ATP6V0D1: variants seen among roughly 807,000 people sequenced by gnomAD.
ATP6V0D1 encodes V-type proton ATPase subunit d 1.
ATP6V0D1 carries 13 observed loss-of-function variants against 39.0 expected under a neutral mutation model. That is an observed-to-expected ratio of 0.33 (90% confidence interval 0.22 to 0.53). The LOEUF (loss-of-function observed/expected upper bound fraction) is 0.53. Ranked by LOEUF, ATP6V0D1 falls within the 20% of genes least tolerant of loss-of-function variation. ATP6V0D1 has a pLI of 0.94. For missense variants in ATP6V0D1, 272 were observed against 470.9 expected, an observed-to-expected ratio of 0.58 and a Z score of 3.91; for synonymous variants, 191 against 191.2, an observed-to-expected ratio of 1.00 and a Z score of 0.01.
rs1303314848 is a variant in ATP6V0D1, at chr16:67,456,693, G to C, written c.131-2978C>G. On this transcript the variant is annotated intron_variant, in intron 1 of 7. Transcript: ENST00000290949. This position sits in a 1 kb window ranked among gnomAD's most constrained non-coding sequence, Gnocchi z 4.1. Reference sequence around the variant, plus strand: ...ACTTCTTCCTTTTCAGCTATAGCCTGGGCCTAGAGGCCGGGCCAGATGTAC... The same window carrying C: ...ACTTCTTCCTTTTCAGCTATAGCCTCGGCCTAGAGGCCGGGCCAGATGTAC... The C allele has an allele frequency of 6.6e-6, 1 of 152,264 alleles. No individual in the cohort carries two copies. Among genetic ancestry groups the C allele is most frequent in the African/African-American group, 2.4e-5 (1 of 41,462 alleles). The allele number at this position is 152,264 out of a possible 1,614,324, so 9.4% of individuals were successfully genotyped here.
At chr16:67,440,017 CAGAAA>C (rs2041031094) in intron 4 of ATP6V0D1, 1 of 152,228 alleles carries the variant, frequency 6.6e-6, no homozygotes, top group African/African-American at 2.4e-5. Context: ...GACTCCGTCT[CAGAAA>C]AGAATAAAAA....
At position 67,456,320 on chromosome 16, in the gene ATP6V0D1, T is replaced by C. The variant is rs2041237717; in HGVS notation, c.131-2605A>G. 6.6e-6 allele frequency: 1 copy of C among 152,200 alleles called. No individual in the cohort carries two copies. The highest frequency in any genetic ancestry group is 2.4e-5 in the African/African-American group (1 of 41,444). 9.4% of individuals were successfully genotyped at this position (152,200 alleles called of 1,614,324 possible). ...TCTTTTTAAGAGAAACATGGTTTAT[T>C]TGTACAAAACTGAGAGATTGTTAAT... On this transcript the variant is annotated intron_variant, in intron 1 of 7. Coordinates refer to ENST00000290949, the MANE Select transcript of ATP6V0D1 (RefSeq NM_004691.5). The surrounding 1 kb of genome is among the most constrained non-coding windows in gnomAD (Gnocchi z 4.1).
In ATP6V0D1 at chr16:67,456,183, G is replaced by C. The variant is rs2041235913; in HGVS notation, c.131-2468C>G. Reference sequence around the variant, plus strand: ...GGCTAATTTTTTTTTATTTTTAGTAGAGACGGGGTTTCACTATGTTGGCCA... The same window carrying C: ...GGCTAATTTTTTTTTATTTTTAGTACAGACGGGGTTTCACTATGTTGGCCA... On this transcript the variant is annotated intron_variant, in intron 1 of 7. Transcript: ENST00000290949. This position sits in a 1 kb window ranked among gnomAD's most constrained non-coding sequence, Gnocchi z 4.1. The C allele has an allele frequency of 6.6e-6, 1 of 151,900 alleles. No homozygotes were observed. The highest frequency in any genetic ancestry group is 6.6e-5 in the Admixed American group (1 of 15,236). 9.4% of individuals were successfully genotyped at this position (151,900 alleles called of 1,614,324 possible). A position where few individuals can be genotyped will look rare whatever the true frequency, so the allele number is the denominator to read the frequency against.
At chr16:67,460,911 G>A (rs945624377) in intron 1 of ATP6V0D1, among the ~76,000 whole-genome samples, 4 of 152,214 alleles carry the variant, frequency 2.6e-5, no homozygotes, top group African/African-American at 7.2e-5. Flanking sequence ...CAAGGACCTG[G>A]GTTCAAATCC....
rs1180674465 is a variant in ATP6V0D1, at chr16:67,444,375, G to A, written c.481+153C>T. Among the ~76,000 whole-genome samples, 1 of 151,122 alleles carries A rather than the reference G, an allele frequency of 6.6e-6. No homozygotes were observed. Reference sequence around the variant, plus strand: ...AGAGGGGTGAAGTGAGGAGAGAATCGGAGGAGGAAGTTGAAGGGAGACAAA... The same window carrying A: ...AGAGGGGTGAAGTGAGGAGAGAATCAGAGGAGGAAGTTGAAGGGAGACAAA... On this transcript the variant is annotated intron_variant, in intron 3 of 7. Transcript: ENST00000290949. This position sits in a 1 kb window ranked among gnomAD's most constrained non-coding sequence, Gnocchi z 4.8.
intron 1 of ATP6V0D1, among the ~76,000 whole-genome samples, chr16:67,461,180 T>TG (rs2041286836): frequency 6.6e-6 from 1 of 152,232 alleles, no homozygotes; most frequent in Non-Finnish European, 1.5e-5. Flanking sequence ...AGAAGGTACC[T>TG]GTTCCTCCTC....
intron 1 of ATP6V0D1, among the ~76,000 whole-genome samples, chr16:67,478,336 A>G (rs2041433415): frequency 6.6e-6 from 1 of 152,060 alleles, no homozygotes; most frequent in South Asian, 2.1e-4. Flanking sequence ...TGAATGGCCA[A>G]GCGTGGTGGC....
At chr16:67,477,528 G>A (rs1350215881) in intron 1 of ATP6V0D1, among the ~76,000 whole-genome samples, 1 of 152,062 alleles carries the variant, frequency 6.6e-6, no homozygotes, top group Non-Finnish European at 1.5e-5. Flanking sequence ...GGGAGTGGGG[G>A]TATAAATGGA....
chr16:67,473,183 A>G (rs1337474418), intron 1 of ATP6V0D1, among the ~76,000 whole-genome samples: 1 of 151,864 alleles, frequency 6.6e-6, no homozygotes, highest in African/African-American at 2.4e-5. Context: ...CCTTCTCCCT[A>G]TGCTCTTCCC....
chr16:67,446,061 T>C, intron 2 of ATP6V0D1: 2 of 419,844 alleles, frequency 4.8e-6, no homozygotes, highest in South Asian at 3.3e-5. Context: ...GCTAGGCCCC[T>C]GCCCTGTGAC....
intron 1 of ATP6V0D1, among the ~76,000 whole-genome samples, chr16:67,470,929 C>G (rs1386714211): frequency 6.6e-6 from 1 of 152,184 alleles, no homozygotes; most frequent in South Asian, 2.1e-4. Context: ...CCTTCATCCC[C>G]CCTCATTCCA....
chr16:67,446,130 TC>T (rs1455878500), intron 2 of ATP6V0D1, among the ~76,000 whole-genome samples: 1 of 151,916 alleles, frequency 6.6e-6, no homozygotes, highest in Non-Finnish European at 1.5e-5. Flanking sequence ...GGAGGTGTCT[TC>T]CCCCATACTG....
Position 67,447,614 on chromosome 16 carries a change from G to T in ATP6V0D1, c.303-2908C>A, listed in dbSNP as rs1336925052. 6.6e-6 allele frequency among the ~76,000 whole-genome samples: 1 copy of T among 152,162 alleles called. No homozygotes were observed. The highest frequency in any genetic ancestry group is 1.5e-5 in the Non-Finnish European group (1 of 68,024). On this transcript the variant is annotated intron_variant, in intron 2 of 7. Coordinates refer to ENST00000290949, the MANE Select transcript of ATP6V0D1 (RefSeq NM_004691.5). The surrounding 1 kb of genome is among the most constrained non-coding windows in gnomAD (Gnocchi z 4.1). ...GCCAGGCCAAAGAGGCCCTTGTGGG[G>T]TGGGGGTGGGGCCGTCTGTATTCCT...
chr16:67,465,087 G>A (rs2041318630), intron 1 of ATP6V0D1, among the ~76,000 whole-genome samples: 1 of 152,234 alleles, frequency 6.6e-6, no homozygotes, highest in Non-Finnish European at 1.5e-5. Context: ...CCTCTGAAAA[G>A]GAGGAAGACC....
At position 67,466,209 on chromosome 16, in the gene ATP6V0D1, G is replaced by A. The variant is rs943009984; in HGVS notation, c.131-12494C>T. Among the ~76,000 whole-genome samples the A allele has an allele frequency of 1.1e-4, 16 of 152,224 alleles. No individual in the cohort carries two copies. The South Asian group carries it at 1.7e-3, about 16-fold the overall frequency. ...AAAGAACAGGAGTTGGGCCAGGCGC[G>A]GTGGCTCACGCCTGTAATCCCAGCA... On this transcript the variant is annotated intron_variant, in intron 1 of 7. Transcript: ENST00000290949.
Position 67,439,115 on chromosome 16 carries a change from G to T in ATP6V0D1, c.672C>A (p.Thr224=), listed in dbSNP as rs747899906. 4.2e-5 allele frequency: 67 copies of T among 1,614,104 alleles called. No individual in the cohort carries two copies. Among genetic ancestry groups the T allele is most frequent in the Non-Finnish European group, 4.9e-5 (58 of 1,180,026 alleles). The change falls in exon 6 of 8, where the codon ACC becomes ACA. Residue 224 remains threonine (T), a synonymous_variant. Coordinates refer to ENST00000290949, the MANE Select transcript of ATP6V0D1 (RefSeq NM_004691.5). ...ACAGCTCTGTGCCGAAAGAATTGATGGTGATGATGAAGGCGCGGCGGTCTG... is the reference window on the plus strand; with the variant it reads ...ACAGCTCTGTGCCGAAAGAATTGATTGTGATGATGAAGGCGCGGCGGTCTG... ...FEADRRAFII[T]INSFGTELSK...
intron 1 of ATP6V0D1, among the ~76,000 whole-genome samples, chr16:67,467,975 T>C (rs1233513888): frequency 2.0e-5 from 3 of 152,142 alleles, no homozygotes; most frequent in South Asian, 4.1e-4. Flanking sequence ...GACAAAACTA[T>C]GGGAGGCAGA....
chr16:67,471,345 C>T (rs1163488095), intron 1 of ATP6V0D1, among the ~76,000 whole-genome samples: 2 of 152,136 alleles, frequency 1.3e-5, no homozygotes, highest in African/African-American at 2.4e-5. Flanking sequence ...TGCGCCACCA[C>T]GCCCGGCTAA....
Position 67,444,396 on chromosome 16 carries a change from A to G in ATP6V0D1, c.481+132T>C. ...AATCGGAGGAGGAAGTTGAAGGGAG[A>G]CAAAGGTAAGCAGCAGTGGGCAGGT... On this transcript the variant is annotated intron_variant, in intron 3 of 7. Coordinates refer to ENST00000290949, the MANE Select transcript of ATP6V0D1 (RefSeq NM_004691.5). This position sits in a 1 kb window ranked among gnomAD's most constrained non-coding sequence, Gnocchi z 4.8. The G allele has an allele frequency of 1.1e-6, 1 of 937,608 alleles. No individual in the cohort carries two copies. Among genetic ancestry groups the G allele is most frequent in the Non-Finnish European group, 1.5e-6 (1 of 647,074 alleles). 58.1% of individuals were successfully genotyped at this position (937,608 alleles called of 1,614,324 possible).
Sources: allele counts gnomAD v4.1 joint callset (sites outside exome capture counted in the v4.1 genomes callset), GRCh38; gene constraint gnomAD v4.1.1; non-coding constraint Gnocchi (gnomAD v3.1); transcripts MANE v1.5; gene names NCBI Gene and HGNC (gene_info 2026-07-23, HGNC 2026-07-21).